The following ABHD12 variants were observed in gnomAD, a reference collection of about 807,000 sequenced individuals.
ABHD12 encodes the protein abhydrolase domain containing 12, lysophospholipase.
ABHD12 carries 43 observed loss-of-function variants against 58.3 expected under a neutral mutation model. The ratio of observed to expected loss-of-function variants is 0.74; its 90% CI spans 0.58 to 0.95. The LOEUF is 0.95. Among genes scored for constraint, ABHD12 ranks in the 40% least tolerant of loss-of-function variants. ABHD12 has a pLI of 0.00. For missense variants in ABHD12, 539 were observed against 537.2 expected, an observed-to-expected ratio of 1.00 and a Z score of -0.03; for synonymous variants, 219 against 211.2, an observed-to-expected ratio of 1.04 and a Z score of -0.32.
intron 12 of ABHD12, 117 bp from the exon 13 acceptor site, chr20:25,301,001 A>G: frequency 3.7e-6 from 4 of 1,078,110 alleles, no homozygotes; most frequent in Non-Finnish European, 5.5e-6. Flanking sequence ...GGCAGCCAAG[A>G]GCCCCATGAG....
chr20:25,331,512 C>T (rs1000980512), intron 2 of ABHD12, among the ~76,000 whole-genome samples: 9 of 151,770 alleles, frequency 5.9e-5, no homozygotes, highest in Non-Finnish European at 8.8e-5. Context: ...GTCAGATTCA[C>T]GAAAGTTGAA....
chr20:25,330,643 C>T (rs537240930), intron 2 of ABHD12, among the ~76,000 whole-genome samples: 7 of 152,202 alleles, frequency 4.6e-5, no homozygotes, highest in Admixed American at 1.3e-4. Context: ...CCTCCTCAAG[C>T]GGGTCCCTGA....
chr20:25,312,618 G>A (rs1374198025), intron 6 of ABHD12, among the ~76,000 whole-genome samples: 1 of 152,004 alleles, frequency 6.6e-6, no homozygotes, highest in Non-Finnish European at 1.5e-5. Flanking sequence ...GGGAAGTGAG[G>A]AGCGTCTCCG....
Position 25,312,378 on chromosome 20 carries a change from G to A in ABHD12, c.619+2547C>T, listed in dbSNP as rs181863043. ...ATTTTTTTGGTGGAGACGGGGTTTCGCTGTGTTGGCCAGGCTGGTCTTCAG... is the reference window on the plus strand; with the variant it reads ...ATTTTTTTGGTGGAGACGGGGTTTCACTGTGTTGGCCAGGCTGGTCTTCAG... On this transcript the variant is annotated intron_variant, in intron 6 of 12. Transcript: ENST00000339157. Among the ~76,000 whole-genome samples, 93 of 152,244 alleles carry A rather than the reference G, an allele frequency of 6.1e-4. 1 individual carries two copies. In the East Asian group the frequency reaches 0.011, roughly 19 times the overall value.
At chr20:25,339,651 G>A in intron 1 of ABHD12, 1 of 1,403,270 alleles carries the variant, frequency 7.1e-7, no homozygotes. Context: ...AGAGAAAGCA[G>A]ACCCCACCAT....
chr20:25,313,577 TAAAAATAAAA>T (rs1264884166), intron 6 of ABHD12, among the ~76,000 whole-genome samples: 10 of 45,102 alleles, frequency 2.2e-4, no homozygotes, highest in Non-Finnish European at 3.8e-4. Context: ...GAATGATCAA[TAAAAATAAAA>T]TAAAATAAAA....
chr20:25,338,987 G>A (rs1380330332), intron 2 of ABHD12: 2 of 1,280,334 alleles, frequency 1.6e-6, no homozygotes, highest in East Asian at 3.9e-5. Context: ...TCCTCCAGCT[G>A]GGAAGGGGCA....
Position 25,311,256 on chromosome 20 carries a change from G to T in ABHD12, c.620-1681C>A, listed in dbSNP as rs562417337. Among the ~76,000 whole-genome samples, 3 of 152,310 alleles carry T rather than the reference G, an allele frequency of 2.0e-5. No individual in the cohort carries two copies. The South Asian group carries it at 6.2e-4, about 32-fold the overall frequency. On this transcript the variant is annotated intron_variant, in intron 6 of 12. Transcript: ENST00000339157. ...ATGGGGGTGATCCTGGACAAGCTGG[G>T]TGGGCCCAAAATAACCACAAGGGTC... is the stretch of plus-strand genomic sequence containing the variant.
intron 1 of ABHD12, among the ~76,000 whole-genome samples, chr20:25,373,020 C>T (rs2089917623): frequency 6.6e-6 from 1 of 152,162 alleles, no homozygotes; most frequent in Non-Finnish European, 1.5e-5. Flanking sequence ...GTCACAACTG[C>T]CTACAGGACT....
Position 25,390,796 on chromosome 20 carries a change from C to T in ABHD12, c.-93G>A. The T allele has an allele frequency of 1.2e-6, 1 of 851,892 alleles. No individual in the cohort carries two copies. The highest frequency in any genetic ancestry group is 1.5e-6 in the Non-Finnish European group (1 of 656,124). 52.8% of individuals were successfully genotyped at this position (851,892 alleles called of 1,614,324 possible). On this transcript the variant is annotated 5_prime_UTR_variant, in exon 1 of 13. Coordinates refer to ENST00000339157, the MANE Select transcript of ABHD12 (RefSeq NM_001042472.3). ...CCGCCGCCACCCAGAGCCCGGAGCC[C>T]GGAACCCGCCGCTCCTCACATCCCA...
intron 1 of ABHD12, among the ~76,000 whole-genome samples, chr20:25,383,026 A>G (rs1418840127): frequency 1.3e-5 from 2 of 152,216 alleles, no homozygotes; most frequent in East Asian, 3.8e-4. Context: ...GGGTGGAGCA[A>G]AAGGAAAAAG....
In ABHD12 at chr20:25,306,857, C is replaced by T; in HGVS notation, c.926G>A (p.Gly309Glu). Residue 309 changes from glycine to glutamate, a missense_variant, in exon 10 of 13, where the codon GGA becomes GAA. Coordinates refer to ENST00000339157, the MANE Select transcript of ABHD12 (RefSeq NM_001042472.3). ...WFFLDPITSSGIKFANDENVK... is the reference protein window; with the variant it reads ...WFFLDPITSSEIKFANDENVK... Reference sequence around the variant, plus strand: ...CTTTTCATCATTTGCAAATTTAATTCCACTACTTGTAATAGGATCAAGGAA... The same window carrying T: ...CTTTTCATCATTTGCAAATTTAATTTCACTACTTGTAATAGGATCAAGGAA... The T allele has an allele frequency of 6.2e-7, 1 of 1,612,202 alleles. No homozygotes were observed. Among genetic ancestry groups the T allele is most frequent in the Non-Finnish European group, 8.5e-7 (1 of 1,178,416 alleles).
At chr20:25,388,038 CAAAA>C (rs748581834) in intron 1 of ABHD12, among the ~76,000 whole-genome samples, 1 of 58,120 alleles carries the variant, frequency 1.7e-5, no homozygotes. Context: ...GACTCCTTCT[CAAAA>C]AAAAAAAAAA....
intron 1 of ABHD12, chr20:25,339,736 G>T: frequency 7.5e-7 from 1 of 1,340,420 alleles, no homozygotes; most frequent in Non-Finnish European, 9.9e-7. Flanking sequence ...CTCCCGATCC[G>T]TCTTCTGTGA....
rs1221422300 is a variant in ABHD12, at chr20:25,320,101, G to A, written c.542+98C>T. On this transcript the variant is annotated intron_variant, in intron 4 of 12. Coordinates refer to ENST00000339157, the MANE Select transcript of ABHD12 (RefSeq NM_001042472.3). ...GTACACCCAATTTTGTGGGACCGCA[G>A]GTTGCTCCTGCTGGTTTCCGGCAGA... 6 of 1,562,004 alleles carry A rather than the reference G, an allele frequency of 3.8e-6. No homozygotes were observed. The Admixed American group carries it at 8.9e-5, about 23-fold the overall frequency.
intron 1 of ABHD12, among the ~76,000 whole-genome samples, chr20:25,359,443 A>C (rs924303186): frequency 3.9e-5 from 2 of 51,108 alleles, no homozygotes; most frequent in African/African-American, 9.5e-5. Context: ...AAAAAAAAAA[A>C]AACATTTCTA....
intron 2 of ABHD12, among the ~76,000 whole-genome samples, chr20:25,335,952 TATA>T (rs748612497): frequency 9.3e-5 from 14 of 150,674 alleles, no homozygotes; most frequent in East Asian, 3.9e-4. Context: ...GAATTTAAAG[TATA>T]ATAATAATAA....
At chr20:25,339,107 C>CATA in intron 2 of ABHD12, 120 bp downstream of exon 2, 2 of 1,484,808 alleles carry the variant, frequency 1.3e-6, no homozygotes, top group Non-Finnish European at 1.8e-6. Flanking sequence ...AAGATATGTA[C>CATA]CCTTCACTGT....
chr20:25,367,554 C>T lies in ABHD12; in HGVS notation c.191+22959G>A, dbSNP rs1479325840. Among the ~76,000 whole-genome samples, 5 of 152,144 alleles carry T rather than the reference C, an allele frequency of 3.3e-5. No individual in the cohort carries two copies. In the South Asian group the frequency reaches 1.0e-3, roughly 32 times the overall value. On this transcript the variant is annotated intron_variant, in intron 1 of 12. Transcript: ENST00000339157. ...CATCTGTAAAGCTGAAACTCTGTAC[C>T]CATTAAACAGTAACTCCCATTCTCC...
Sources: gnomAD v4.1 joint callset for allele counts (sites outside exome capture counted in the v4.1 genomes callset) on GRCh38, gnomAD v4.1.1 for gene constraint, MANE v1.5 for transcripts, NCBI Gene and HGNC (gene_info 2026-07-23, HGNC 2026-07-21) for gene names.